The following ARNT2 variants were observed in gnomAD, a reference collection of about 807,000 sequenced individuals.
ARNT2 encodes ARNT protein 2.
ARNT2 carries 36 observed loss-of-function variants against 91.7 expected under a neutral mutation model. That is an observed-to-expected ratio of 0.39 (90% CI 0.30 to 0.52). The LOEUF is 0.52. Ranked by LOEUF, ARNT2 falls within the 20% of genes least tolerant of loss-of-function variation. ARNT2 has a pLI of 0.72. For synonymous variants in ARNT2, 365 were observed against 347.1 expected, an observed-to-expected ratio of 1.05 and a Z score of -0.57; for missense variants, 775 against 939.3, an observed-to-expected ratio of 0.83 and a Z score of 2.29.
intron 8 of ARNT2, among the ~76,000 whole-genome samples, chr15:80,541,915 G>C (rs577133485): frequency 1.8e-4 from 27 of 152,254 alleles, no homozygotes; most frequent in Non-Finnish European, 3.8e-4. Flanking sequence ...CAAGACCCTG[G>C]TCACGTGAGT....
chr15:80,408,299 C>T (rs1279588209), intron 1 of ARNT2, among the ~76,000 whole-genome samples: 1 of 152,130 alleles, frequency 6.6e-6, no homozygotes, highest in Non-Finnish European at 1.5e-5. Flanking sequence ...TCTAAGTCTA[C>T]TAGGGGAGGC....
rs899202001 is a variant in ARNT2, at chr15:80,525,284, CT to C, written c.877+10880del. 3.0e-4 allele frequency among the ~76,000 whole-genome samples: 45 copies of C among 151,458 alleles called. 1 individual carries two copies. The highest frequency in any genetic ancestry group is 1.1e-3 in the African/African-American group (45 of 40,954). On this transcript the variant is annotated intron_variant, in intron 8 of 18. Coordinates refer to ENST00000303329, the MANE Select transcript of ARNT2 (RefSeq NM_014862.4). Reference sequence around the variant, plus strand: ...TAGAGGTTCTGGAAAACAACACCATCTCCATACATGATGATAATAGCATGCC... The same window carrying C: ...TAGAGGTTCTGGAAAACAACACCATCCCATACATGATGATAATAGCATGCC...
intron 17 of ARNT2, among the ~76,000 whole-genome samples, chr15:80,589,967 A>G (rs138823446): frequency 9.2e-5 from 14 of 152,314 alleles, no homozygotes; most frequent in African/African-American, 3.1e-4. Context: ...GTCATCATGT[A>G]GAGTTTGAAA....
chr15:80,448,503 G>A (rs1440841140), intron 1 of ARNT2, among the ~76,000 whole-genome samples: 1 of 152,176 alleles, frequency 6.6e-6, no homozygotes, highest in Non-Finnish European at 1.5e-5. Context: ...CAAGGTTTTG[G>A]GGAGCTTTAC....
At chr15:80,589,819 C>T (rs7180020) in intron 17 of ARNT2, among the ~76,000 whole-genome samples, 17,849 of 152,170 alleles carry the variant, frequency 0.12, 1,302 homozygotes, top group African/African-American at 0.2. Flanking sequence ...TGTGTGGGAT[C>T]ATTAGGAAAA....
At position 80,461,059 on chromosome 15, in the gene ARNT2, G is replaced by A. The variant is rs115705679; in HGVS notation, c.194+3083G>A. ...GTAGGAAATGGGGCTGTGTGCCGCAGGTGGGAAGAGGTTTGCTATTGTGCC... is the reference window on the plus strand; with the variant it reads ...GTAGGAAATGGGGCTGTGTGCCGCAAGTGGGAAGAGGTTTGCTATTGTGCC... On this transcript the variant is annotated intron_variant, in intron 3 of 18. Coordinates refer to ENST00000303329, the MANE Select transcript of ARNT2 (RefSeq NM_014862.4). Among the ~76,000 whole-genome samples, 1,041 of 152,274 alleles carry A rather than the reference G, an allele frequency of 6.8e-3. 15 individuals carry two copies. Among genetic ancestry groups the A allele is most frequent in the African/African-American group, 0.024 (1,010 of 41,552 alleles).
At chr15:80,417,454 T>C (rs1422468066) in intron 1 of ARNT2, among the ~76,000 whole-genome samples, 2 of 152,222 alleles carry the variant, frequency 1.3e-5, no homozygotes, top group African/African-American at 4.8e-5. Context: ...GGTTATAATT[T>C]GTCTGCAGAA....
intron 5 of ARNT2, among the ~76,000 whole-genome samples, chr15:80,482,894 A>G (rs902208925): frequency 6.6e-6 from 1 of 152,212 alleles, no homozygotes; most frequent in Non-Finnish European, 1.5e-5. Flanking sequence ...AAGTTTGAGA[A>G]CAACTGACTT....
At chr15:80,452,802 C>T (rs375916556) in intron 2 of ARNT2, among the ~76,000 whole-genome samples, 5 of 152,170 alleles carry the variant, frequency 3.3e-5, no homozygotes, top group African/African-American at 7.2e-5. Flanking sequence ...CTTCCCCTCC[C>T]GTAGGGCCTG....
chr15:80,537,193 G>A (rs1392091255), intron 8 of ARNT2, among the ~76,000 whole-genome samples: 2 of 152,124 alleles, frequency 1.3e-5, no homozygotes, highest in African/African-American at 2.4e-5. Context: ...TGGTTTGTAT[G>A]GACTTTCTCA....
In ARNT2 at chr15:80,523,297, G is replaced by A. The variant is rs116888012; in HGVS notation, c.877+8892G>A. ...TGGCTCCAGGGGTGGCAGTTGTTGA[G>A]CCAGGCTTTCAGGGGTACAAACACA... On this transcript the variant is annotated intron_variant, in intron 8 of 18. Coordinates refer to ENST00000303329, the MANE Select transcript of ARNT2 (RefSeq NM_014862.4). Among the ~76,000 whole-genome samples the A allele has an allele frequency of 6.2e-4, 94 of 152,310 alleles. 1 individual carries two copies. In the East Asian group the frequency reaches 0.016, roughly 25 times the overall value.
At position 80,410,756 on chromosome 15, in the gene ARNT2, T is replaced by TTATC. The variant is rs71153533; in HGVS notation, c.31+6263_31+6266dup. Among the ~76,000 whole-genome samples the TTATC allele has an allele frequency of 6.2e-3, 900 of 144,132 alleles. 5 individuals carry two copies. Among genetic ancestry groups the TTATC allele is most frequent in the Non-Finnish European group, 7.9e-3 (525 of 66,242 alleles). The allele number at this position is 144,132 out of a possible 152,430, so 94.6% of individuals were successfully genotyped here. Reference sequence around the variant, plus strand: ...TCCAGATCCAGCAATCCATTCATTTTTATCTATCTATCTATCTATCTATCT... The same window carrying TTATC: ...TCCAGATCCAGCAATCCATTCATTTTTATCTATCTATCTATCTATCTATCTATCT... On this transcript the variant is annotated intron_variant, in intron 1 of 18. Coordinates refer to ENST00000303329, the MANE Select transcript of ARNT2 (RefSeq NM_014862.4).
At chr15:80,586,270 G>A (rs1321991509) in intron 17 of ARNT2, among the ~76,000 whole-genome samples, 1 of 152,068 alleles carries the variant, frequency 6.6e-6, no homozygotes, top group Admixed American at 6.5e-5. Context: ...TATTTTCTTA[G>A]CAGCATGATT....
intron 5 of ARNT2, chr15:80,475,468 G>C (rs1896788463): frequency 2.6e-6 from 1 of 382,548 alleles, no homozygotes; most frequent in Non-Finnish European, 4.9e-6. Flanking sequence ...GCTGAGGTGG[G>C]AGAATGGCAT....
intron 1 of ARNT2, among the ~76,000 whole-genome samples, chr15:80,418,923 C>T (rs539466956): frequency 6.6e-6 from 1 of 152,318 alleles, no homozygotes; most frequent in Non-Finnish European, 1.5e-5. Flanking sequence ...CTTCATTCCT[C>T]ACGGTGCTTA....
At chr15:80,567,851 A>T (rs1404363869) in intron 12 of ARNT2, among the ~76,000 whole-genome samples, 1 of 152,218 alleles carries the variant, frequency 6.6e-6, no homozygotes, top group Non-Finnish European at 1.5e-5. Context: ...TGGACGGTAG[A>T]GGGCAGTGAC....
At chr15:80,457,526 A>G (rs1051524740) in intron 2 of ARNT2, among the ~76,000 whole-genome samples, 4 of 152,248 alleles carry the variant, frequency 2.6e-5, no homozygotes, top group African/African-American at 9.6e-5. Flanking sequence ...AAACTAAGAA[A>G]AAAGTCTTAA....
intron 1 of ARNT2, among the ~76,000 whole-genome samples, chr15:80,425,530 G>T (rs1449400964): frequency 6.6e-6 from 1 of 152,120 alleles, no homozygotes; most frequent in Non-Finnish European, 1.5e-5. Flanking sequence ...ATCTGAATGT[G>T]TAAATATTAC....
intron 5 of ARNT2, among the ~76,000 whole-genome samples, chr15:80,487,135 T>C (rs1002464824): frequency 3.9e-5 from 6 of 152,180 alleles, no homozygotes; most frequent in Non-Finnish European, 7.4e-5. Flanking sequence ...TCCTCCAGGC[T>C]GCCCCTTGCT....
Sources: allele counts gnomAD v4.1 joint callset (sites outside exome capture counted in the v4.1 genomes callset), GRCh38; gene constraint gnomAD v4.1.1; transcripts MANE v1.5; gene names NCBI Gene and HGNC (gene_info 2026-07-23, HGNC 2026-07-21).